Variants in DOCK2 observed in about 807,000 individuals in gnomAD.
DOCK2 encodes dedicator of cytokinesis 2.
DOCK2 carries 87 observed loss-of-function variants against 248.9 expected under a neutral mutation model. The ratio of observed to expected loss-of-function variants is 0.35; its 90% CI spans 0.29 to 0.42. The LOEUF (loss-of-function observed/expected upper bound fraction) is 0.42, where lower values mean the gene tolerates loss of function less well. Ranked by LOEUF, DOCK2 falls within the 10% of genes least tolerant of loss-of-function variation. The pLI is 1.00. For synonymous variants in DOCK2, 805 were observed against 821.6 expected (o/e 0.98, Z 0.35); for missense variants, 1,747 against 2,300.2 (o/e 0.76, Z 4.92).
chr5:169,878,306 A>G (rs1385295749), intron 27 of DOCK2, among the ~76,000 whole-genome samples: 1 of 152,204 alleles, frequency 6.6e-6, no homozygotes, highest in Non-Finnish European at 1.5e-5. Flanking sequence ...CATACCATCT[A>G]CACAGTTATT....
chr5:170,049,438 C>T (rs1483659741), intron 40 of DOCK2, among the ~76,000 whole-genome samples: 1 of 152,172 alleles, frequency 6.6e-6, no homozygotes, highest in African/African-American at 2.4e-5. Context: ...TAAAAGTGTC[C>T]TAGGCTCCTT....
intron 27 of DOCK2, among the ~76,000 whole-genome samples, chr5:169,915,331 G>A (rs1396194593): frequency 6.6e-6 from 1 of 152,100 alleles, no homozygotes; most frequent in African/African-American, 2.4e-5. Context: ...AAAATCATCA[G>A]CAAAAGCACC....
chr5:169,718,841 G>C, intron 22 of DOCK2, 50 bp downstream of exon 22: 1 of 1,561,768 alleles, frequency 6.4e-7, no homozygotes, highest in Non-Finnish European at 8.7e-7. Context: ...AATTCCTCTG[G>C]GATACAACAG....
chr5:170,030,734 G>C (rs1179165955), intron 34 of DOCK2, among the ~76,000 whole-genome samples: 1 of 152,190 alleles, frequency 6.6e-6, no homozygotes, highest in Non-Finnish European at 1.5e-5. Context: ...AGCATTGCGG[G>C]TTTTTGAAGC....
intron 26 of DOCK2, among the ~76,000 whole-genome samples, chr5:169,818,478 C>G (rs1359552902): frequency 6.6e-6 from 1 of 152,196 alleles, no homozygotes; most frequent in Non-Finnish European, 1.5e-5. Flanking sequence ...CCGGGTGGTA[C>G]TGGGGCCTCT....
At chr5:169,804,481 T>TGCGC (rs1292771652) in intron 26 of DOCK2, among the ~76,000 whole-genome samples, 2 of 63,890 alleles carry the variant, frequency 3.1e-5, no homozygotes, top group African/African-American at 7.7e-5. Flanking sequence ...TGTGTGTGTG[T>TGCGC]GTGTGCGCGC....
intron 26 of DOCK2, among the ~76,000 whole-genome samples, chr5:169,827,568 G>C (rs752619779): frequency 3.9e-5 from 6 of 152,214 alleles, no homozygotes; most frequent in Non-Finnish European, 7.3e-5. Context: ...CAGGGCTATG[G>C]ATTAAAGGTG....
intron 9 of DOCK2, among the ~76,000 whole-genome samples, chr5:169,691,625 C>G (rs1193185854): frequency 6.6e-6 from 1 of 152,106 alleles, no homozygotes; most frequent in African/African-American, 2.4e-5. Context: ...TTACTTTCAA[C>G]TGGGTGTTGA....
At chr5:169,760,520 A>C (rs1301526543) in intron 24 of DOCK2, among the ~76,000 whole-genome samples, 2 of 152,156 alleles carry the variant, frequency 1.3e-5, no homozygotes, top group African/African-American at 4.8e-5. Flanking sequence ...CAGTTTTTTC[A>C]TGGATGTCCT....
chr5:169,659,062 G>C (rs946641657), intron 2 of DOCK2, among the ~76,000 whole-genome samples: 3 of 149,242 alleles, frequency 2.0e-5, no homozygotes, highest in African/African-American at 7.4e-5. Flanking sequence ...TTGTTGCCCA[G>C]TCTGGTCTCC....
rs1022821850 is a variant in DOCK2, at chr5:169,761,443, G to T, written c.2448-76G>T. 9 of 1,239,230 alleles carry T rather than the reference G, an allele frequency of 7.3e-6. No individual in the cohort carries two copies. In the Admixed American group the frequency reaches 1.4e-4, roughly 19 times the overall value. 76.8% of individuals were successfully genotyped at this position (1,239,230 alleles called of 1,614,324 possible). On this transcript the variant is annotated intron_variant, in intron 24 of 51. Coordinates refer to ENST00000520908, the MANE Select transcript of DOCK2 (RefSeq NM_004946.3). ...GGTTTCCCAGAGCTAGAGGTCCAGG[G>T]ATGGACTGTAAGTGCTATGAGCTGG...
intron 22 of DOCK2, among the ~76,000 whole-genome samples, chr5:169,726,781 C>T (rs958016318): frequency 2.6e-5 from 4 of 152,110 alleles, no homozygotes; most frequent in African/African-American, 9.7e-5. Flanking sequence ...CTGGGATAAG[C>T]AATGATCAGT....
At chr5:169,947,929 C>T (rs996963757) in intron 27 of DOCK2, among the ~76,000 whole-genome samples, 5 of 152,136 alleles carry the variant, frequency 3.3e-5, no homozygotes, top group Admixed American at 6.5e-5. Flanking sequence ...CGTGCAGTGC[C>T]GCTGCGTTCT....
chr5:169,783,525 A>T (rs1345142694), intron 25 of DOCK2, among the ~76,000 whole-genome samples: 1 of 152,224 alleles, frequency 6.6e-6, no homozygotes, highest in Non-Finnish European at 1.5e-5. Context: ...TAAATGCTAG[A>T]TAAATGATAG....
chr5:169,966,137 T>C (rs1777289164), intron 27 of DOCK2, among the ~76,000 whole-genome samples: 1 of 152,224 alleles, frequency 6.6e-6, no homozygotes, highest in Non-Finnish European at 1.5e-5. Context: ...AATTCCAAGA[T>C]GAAATATATA....
intron 26 of DOCK2, among the ~76,000 whole-genome samples, chr5:169,807,833 C>CAAAAAAAAAAAAAAAAAAAAAAA (rs61670398): frequency 5.0e-4 from 12 of 24,230 alleles, no homozygotes; most frequent in Non-Finnish European, 9.3e-4. Context: ...GACTCTGTCT[C>CAAAAAAAAAAAAAAAAAAAAAAA]AAAAAAAAAA....
intron 39 of DOCK2, among the ~76,000 whole-genome samples, chr5:170,047,154 G>T (rs1756743297): frequency 1.3e-5 from 2 of 152,108 alleles, no homozygotes; most frequent in Non-Finnish European, 1.5e-5. Context: ...CATGGAGGTG[G>T]GAGCAGAGAT....
chr5:169,906,613 T>A (rs1774296463), intron 27 of DOCK2, among the ~76,000 whole-genome samples: 1 of 152,220 alleles, frequency 6.6e-6, no homozygotes, highest in Admixed American at 6.5e-5. Flanking sequence ...GTTACGGGTA[T>A]GAGCCACCCA....
At chr5:169,893,857 G>T (rs1370496382) in intron 27 of DOCK2, among the ~76,000 whole-genome samples, 2 of 152,182 alleles carry the variant, frequency 1.3e-5, no homozygotes, top group Admixed American at 1.3e-4. Context: ...AATGGAAGAA[G>T]GCAGGAAAAT....
Sources: gnomAD v4.1 joint callset for allele counts (sites outside exome capture counted in the v4.1 genomes callset) on GRCh38, gnomAD v4.1.1 for gene constraint, MANE v1.5 for transcripts, NCBI Gene and HGNC (gene_info 2026-07-23, HGNC 2026-07-21) for gene names.